Variants in UQCC6 observed in about 807,000 individuals in gnomAD.
UQCC6 encodes the protein ubiquinol-cytochrome c reductase complex assembly factor 6, also known as protein BRAWNIN.
the UQCC6 span, among the ~76,000 whole-genome samples, chr12:103,960,489 A>G: frequency 6.6e-6 from 1 of 152,310 alleles, no homozygotes; most frequent in East Asian, 1.9e-4. Context: ...TATTTTAGCT[A>G]TTCTAATATG....
chr12:103,953,425 C>T, the UQCC6 span: 226 of 702,344 alleles, frequency 3.2e-4, 1 homozygote, highest in African/African-American at 3.6e-3. Flanking sequence ...TGTAGCAGTT[C>T]TCCCCAACAC....
the UQCC6 span, chr12:103,953,287 C>G: frequency 1.4e-6 from 1 of 696,306 alleles, no homozygotes; most frequent in African/African-American, 1.7e-5. Flanking sequence ...CAAGTTAATC[C>G]AATGGGATCT....
chr12:103,955,361 GCA>G, the UQCC6 span, among the ~76,000 whole-genome samples: 11 of 152,118 alleles, frequency 7.2e-5, no homozygotes, highest in African/African-American at 2.7e-4. Context: ...ATGGAGCCAG[GCA>G]CAGTGGCTCA....
the UQCC6 span, among the ~76,000 whole-genome samples, chr12:103,963,074 CT>C: frequency 0.15 from 21,046 of 137,954 alleles, 1,416 homozygotes; most frequent in East Asian, 0.33. Flanking sequence ...TAATACTACA[CT>C]TTTTTTTTTT....
chr12:103,956,076 G>A, the UQCC6 span, among the ~76,000 whole-genome samples: 1 of 152,316 alleles, frequency 6.6e-6, no homozygotes, highest in Admixed American at 6.5e-5. Flanking sequence ...ACAAAGAACT[G>A]CAGACAAGTG....
the UQCC6 span, among the ~76,000 whole-genome samples, chr12:103,959,126 AT>A: frequency 6.6e-6 from 1 of 152,208 alleles, no homozygotes; most frequent in African/African-American, 2.4e-5. Context: ...TGCCATACAA[AT>A]GAAATCTTAA....
At chr12:103,961,430 T>C in the UQCC6 span, among the ~76,000 whole-genome samples, 1 of 152,206 alleles carries the variant, frequency 6.6e-6, no homozygotes, top group Non-Finnish European at 1.5e-5. Context: ...CGTACAGCAA[T>C]GTCCTAGACC....
chr12:103,951,833 A>G, the UQCC6 span, among the ~76,000 whole-genome samples: 1 of 152,128 alleles, frequency 6.6e-6, no homozygotes, highest in South Asian at 2.1e-4. Flanking sequence ...TCATCCTGGC[A>G]AGGTCTTCAG....
chr12:103,951,562 T>TTTTC, the UQCC6 span: 1 of 1,549,896 alleles, frequency 6.5e-7, no homozygotes, highest in East Asian at 2.4e-5. Context: ...GAGGTTTGTG[T>TTTTC]TTTCTTTCTT....
chr12:103,952,117 C>T, the UQCC6 span, among the ~76,000 whole-genome samples: 1 of 152,302 alleles, frequency 6.6e-6, no homozygotes, highest in South Asian at 2.1e-4. Flanking sequence ...GCATCTATCA[C>T]CACAATAAAT....
chr12:103,953,381 T>C, the UQCC6 span: 2 of 702,068 alleles, frequency 2.8e-6, no homozygotes, highest in African/African-American at 3.5e-5. Flanking sequence ...TCCTTTGCTA[T>C]TCAGATGAGC....
the UQCC6 span, among the ~76,000 whole-genome samples, chr12:103,957,745 GGTTAGT>G: frequency 1.3e-5 from 2 of 151,802 alleles, no homozygotes; most frequent in African/African-American, 4.8e-5. Context: ...TTAAGTAAAA[GGTTAGT>G]GCAAGGGCCG....
the UQCC6 span, among the ~76,000 whole-genome samples, chr12:103,952,161 C>T: frequency 6.6e-6 from 1 of 152,148 alleles, no homozygotes; most frequent in Admixed American, 6.5e-5. Flanking sequence ...AAAAGAAACC[C>T]CATACTTATT....
At chr12:103,957,687 A>C in the UQCC6 span, among the ~76,000 whole-genome samples, 1 of 152,042 alleles carries the variant, frequency 6.6e-6, no homozygotes, top group Non-Finnish European at 1.5e-5. Flanking sequence ...TGAAATCGAC[A>C]TAACTTAATC....
At chr12:103,953,446 A>G in the UQCC6 span, 2 of 702,378 alleles carry the variant, frequency 2.8e-6, no homozygotes, top group South Asian at 3.0e-5. Context: ...AGCACTGAGC[A>G]CAAGTCTAGG....
the UQCC6 span, chr12:103,956,735 G>T: frequency 1.9e-6 from 3 of 1,549,978 alleles, no homozygotes; most frequent in African/African-American, 4.1e-5. Context: ...ACGCCCGCGG[G>T]CATGGTCGGC....
chr12:103,955,351 A>C, the UQCC6 span, among the ~76,000 whole-genome samples: 1 of 151,940 alleles, frequency 6.6e-6, no homozygotes, highest in Non-Finnish European at 1.5e-5. Context: ...GCAAATACAA[A>C]TGGAGCCAGG....
chr12:103,956,897 C>A, the UQCC6 span: 1 of 588,672 alleles, frequency 1.7e-6, no homozygotes, highest in Admixed American at 2.9e-5. Context: ...CCCCACGCCT[C>A]GGTTTCCTCC....
At chr12:103,962,470 G>A in the UQCC6 span, among the ~76,000 whole-genome samples, 1 of 152,060 alleles carries the variant, frequency 6.6e-6, no homozygotes, top group Non-Finnish European at 1.5e-5. Context: ...GAGGCAGGAG[G>A]TGCGACTTGA....
Sources: gnomAD v4.1 joint callset for allele counts (sites outside exome capture counted in the v4.1 genomes callset) on GRCh38, gnomAD v4.1.1 for gene constraint, MANE v1.5 for transcripts, NCBI Gene and HGNC (gene_info 2026-07-23, HGNC 2026-07-21) for gene names.